The following ASTN2 variants were observed in gnomAD, a reference collection of about 807,000 sequenced individuals.
ASTN2 encodes the protein astrotactin 2.
Under a neutral mutation model 139.8 loss-of-function variants are expected in ASTN2, and 54 were observed. The ratio of observed to expected loss-of-function variants is 0.39; its 90% confidence interval spans 0.31 to 0.48. The LOEUF (loss-of-function observed/expected upper bound fraction) is 0.48, where lower values mean the gene tolerates loss of function less well. Ranked by LOEUF, ASTN2 falls within the 20% of genes least tolerant of loss-of-function variation. The probability of loss-of-function intolerance (pLI) is 0.95; values close to 1 mark genes in which losing one functional copy is unlikely to be tolerated. For synonymous variants in ASTN2, 756 were observed against 719.5 expected (o/e 1.05, Z -0.81); for missense variants, 1,565 against 1,725.1 (o/e 0.91, Z 1.64).
chr9:117,377,869 G>A (rs982390305), intron 1 of ASTN2, among the ~76,000 whole-genome samples: 3 of 152,040 alleles, frequency 2.0e-5, no homozygotes, highest in Admixed American at 6.5e-5. Flanking sequence ...ATAGCGCAAT[G>A]ATTCTGTATT....
intron 10 of ASTN2, among the ~76,000 whole-genome samples, chr9:116,927,592 T>C (rs930984508): frequency 1.3e-5 from 2 of 152,234 alleles, no homozygotes; most frequent in Non-Finnish European, 2.9e-5. Flanking sequence ...GAATGGATTA[T>C]AGTTACAATA....
At chr9:117,371,569 T>C (rs1231003883) in intron 1 of ASTN2, among the ~76,000 whole-genome samples, 1 of 152,114 alleles carries the variant, frequency 6.6e-6, no homozygotes, top group Non-Finnish European at 1.5e-5. Flanking sequence ...CCCCCAATAG[T>C]TGTGTGACCT....
At chr9:117,185,474 C>T (rs1009794862) in intron 3 of ASTN2, among the ~76,000 whole-genome samples, 3 of 152,172 alleles carry the variant, frequency 2.0e-5, no homozygotes, top group African/African-American at 7.2e-5. Flanking sequence ...GCTTCATAAC[C>T]TAGAGTGTGG....
intron 20 of ASTN2, among the ~76,000 whole-genome samples, chr9:116,454,214 T>A (rs1022018833): frequency 6.6e-6 from 1 of 152,158 alleles, no homozygotes; most frequent in Non-Finnish European, 1.5e-5. Context: ...ATCCCTTATA[T>A]AGATACAACA....
intron 21 of ASTN2, among the ~76,000 whole-genome samples, chr9:116,441,556 T>G (rs1325041083): frequency 1.3e-5 from 2 of 152,118 alleles, no homozygotes; most frequent in Non-Finnish European, 2.9e-5. Flanking sequence ...AAATAATATT[T>G]TTAAAAATTT....
chr9:117,061,139 T>TTTTATGTA (rs1554774230), intron 5 of ASTN2, among the ~76,000 whole-genome samples: 9 of 141,928 alleles, frequency 6.3e-5, no homozygotes, highest in Non-Finnish European at 1.4e-4. Context: ...TACACCAGTC[T>TTTTATGTA]TTTATTTATT....
intron 10 of ASTN2, among the ~76,000 whole-genome samples, chr9:116,949,860 T>C (rs1336716691): frequency 6.6e-6 from 1 of 152,208 alleles, no homozygotes; most frequent in African/African-American, 2.4e-5. Flanking sequence ...GTTAATATAA[T>C]AATTGTACCT....
chr9:117,196,768 CAA>C (rs1831517589), intron 3 of ASTN2, among the ~76,000 whole-genome samples: 1 of 152,054 alleles, frequency 6.6e-6, no homozygotes. Flanking sequence ...AAAAAACAAA[CAA>C]AAGAGAAAAT....
At chr9:117,235,166 G>A (rs1162199111) in intron 2 of ASTN2, among the ~76,000 whole-genome samples, 4 of 151,772 alleles carry the variant, frequency 2.6e-5, no homozygotes, top group South Asian at 2.1e-4. Flanking sequence ...CCCAGGAGGC[G>A]GAGGTTACAG....
chr9:117,290,097 T>A (rs907057040), intron 2 of ASTN2, among the ~76,000 whole-genome samples: 1 of 152,148 alleles, frequency 6.6e-6, no homozygotes, highest in Non-Finnish European at 1.5e-5. Flanking sequence ...GGTTGAGAGG[T>A]AGCTCTGCTC....
At chr9:117,274,648 G>A (rs985941872) in intron 2 of ASTN2, among the ~76,000 whole-genome samples, 3 of 152,186 alleles carry the variant, frequency 2.0e-5, no homozygotes, top group African/African-American at 4.8e-5. Context: ...AACACTGGAG[G>A]TGCCATGGCA....
intron 20 of ASTN2, among the ~76,000 whole-genome samples, chr9:116,471,968 C>T (rs751082803): frequency 3.3e-5 from 5 of 152,122 alleles, no homozygotes; most frequent in Non-Finnish European, 5.9e-5. Context: ...GCGAGTGCAA[C>T]AGCCCCACAT....
intron 20 of ASTN2, among the ~76,000 whole-genome samples, chr9:116,455,866 G>T (rs1848317236): frequency 6.6e-6 from 1 of 151,758 alleles, no homozygotes; most frequent in Admixed American, 6.6e-5. Flanking sequence ...ACAGTTCATA[G>T]TTCAACACAA....
intron 3 of ASTN2, among the ~76,000 whole-genome samples, chr9:117,175,576 A>C (rs1830896642): frequency 6.6e-6 from 1 of 152,212 alleles, no homozygotes; most frequent in African/African-American, 2.4e-5. Flanking sequence ...ATGGTACTAG[A>C]ACAGGAGAGC....
chr9:116,602,006 T>C (rs373590910), intron 19 of ASTN2, among the ~76,000 whole-genome samples: 77 of 152,202 alleles, frequency 5.1e-4, no homozygotes, highest in Non-Finnish European at 8.5e-4. Context: ...AGAGGCTAAG[T>C]TGGTGTTAGA....
intron 11 of ASTN2, among the ~76,000 whole-genome samples, chr9:116,834,736 C>T (rs893511713): frequency 1.3e-5 from 2 of 152,154 alleles, no homozygotes; most frequent in African/African-American, 4.8e-5. Context: ...CTAATTTATG[C>T]CTTTTAATTT....
At chr9:116,666,147 T>G (rs1248065679) in intron 16 of ASTN2, among the ~76,000 whole-genome samples, 2 of 152,134 alleles carry the variant, frequency 1.3e-5, no homozygotes, top group African/African-American at 4.8e-5. Flanking sequence ...ATGAGAAAAT[T>G]TCTAATGAAT....
chr9:116,852,878 T>TACACACACACAC lies in ASTN2; in HGVS notation c.2040+10693_2040+10704dup, dbSNP rs3040211. ...CTTTATTTATTACCCAAGGGGAAAA[T>TACACACACACAC]ACACACACACACACACACACACACA... is the stretch of plus-strand genomic sequence containing the variant. On this transcript the variant is annotated intron_variant, in intron 11 of 22. Coordinates refer to ENST00000313400, the MANE Select transcript of ASTN2 (RefSeq NM_001365068.1). Among the ~76,000 whole-genome samples, 1,026 of 134,308 alleles carry TACACACACACAC rather than the reference T, an allele frequency of 7.6e-3. 9 individuals are homozygous for TACACACACACAC. The highest frequency in any genetic ancestry group is 0.014 in the African/African-American group (473 of 34,172). 88.1% of individuals were successfully genotyped at this position (134,308 alleles called of 152,430 possible). A position where few individuals can be genotyped will look rare whatever the true frequency, so the allele number is the denominator to read the frequency against.
intron 4 of ASTN2, among the ~76,000 whole-genome samples, chr9:117,122,878 C>T (rs1031001608): frequency 2.0e-5 from 3 of 152,132 alleles, no homozygotes; most frequent in Non-Finnish European, 4.4e-5. Flanking sequence ...AGCCTGCTTA[C>T]AAAGCTTTTA....
Sources: allele counts gnomAD v4.1 joint callset (sites outside exome capture counted in the v4.1 genomes callset), GRCh38; gene constraint gnomAD v4.1.1; transcripts MANE v1.5; gene names NCBI Gene and HGNC (gene_info 2026-07-23, HGNC 2026-07-21).